Variants in HIVEP3 observed in about 807,000 individuals in gnomAD.
HIVEP3 encodes transcription factor HIVEP3.
A neutral mutation model predicts 152.8 loss-of-function variants in HIVEP3; 49 were observed. The observed-to-expected ratio is 0.32, with a 90% confidence interval of 0.26 to 0.41. HIVEP3 has a LOEUF of 0.41. HIVEP3 is among the 10% of genes least tolerant of loss of function. The probability of loss-of-function intolerance (pLI) is 1.00; values close to 1 mark genes in which losing one functional copy is unlikely to be tolerated. For synonymous variants in HIVEP3, 1,269 were observed against 1,289.0 expected, an observed-to-expected ratio of 0.98 and a Z score of 0.33; for missense variants, 2,790 against 3,103.3, an observed-to-expected ratio of 0.90 and a Z score of 2.40.
chr1:41,625,006 A>G (rs1645096277), intron 3 of HIVEP3, among the ~76,000 whole-genome samples: 1 of 152,092 alleles, frequency 6.6e-6, no homozygotes. Context: ...TCTAATAAAA[A>G]TACAAAAATT....
intron 1 of HIVEP3, among the ~76,000 whole-genome samples, chr1:41,917,309 C>T (rs1265320113): frequency 2.0e-5 from 3 of 152,114 alleles, no homozygotes; most frequent in Non-Finnish European, 2.9e-5. Flanking sequence ...TCCCTCCCCC[C>T]GTAACACCCA....
At chr1:41,791,999 C>G (rs1413976124) in intron 1 of HIVEP3, among the ~76,000 whole-genome samples, 1 of 152,172 alleles carries the variant, frequency 6.6e-6, no homozygotes, top group African/African-American at 2.4e-5. Context: ...CTCCGTGAAG[C>G]CTTTCCAGAT....
At position 41,583,955 on chromosome 1, in the gene HIVEP3, G is replaced by C; in HGVS notation, c.843C>G (p.Ser281Arg). ...EEFEEPTEGESTDSEEETSAT... is the reference protein window; with the variant it reads ...EEFEEPTEGERTDSEEETSAT... ...CACTAGTCTCCTCTTCAGAATCTGT[G>C]CTTTCTCCCTCAGTGGGCTCCTCAA... The change falls in exon 4 of 9, where the codon AGC becomes AGG. Residue 281 changes from serine (S) to arginine (R), a missense_variant. Transcript: ENST00000372583. This position sits in a 1 kb window ranked among gnomAD's most constrained non-coding sequence, Gnocchi z 6.9. 1 of 1,614,174 alleles carries C rather than the reference G, an allele frequency of 6.2e-7. No individual in the cohort carries two copies. Among genetic ancestry groups the C allele is most frequent in the Non-Finnish European group, 8.5e-7 (1 of 1,180,022 alleles).
At chr1:41,530,438 C>T (rs1457603559) in intron 5 of HIVEP3, among the ~76,000 whole-genome samples, 1 of 152,242 alleles carries the variant, frequency 6.6e-6, no homozygotes, top group African/African-American at 2.4e-5. Context: ...ATTCCCATGT[C>T]CCTCCATGCC....
In HIVEP3 at chr1:41,547,883, C is replaced by T. The variant is rs182090108; in HGVS notation, c.5208-22973G>A. On this transcript the variant is annotated intron_variant, in intron 5 of 8. Transcript: ENST00000372583. ...CACCTGACCATGGGCTCCCAGGCCCCTCCCAGGCTGCCCACTGCTTCCCCT... is the reference window on the plus strand; with the variant it reads ...CACCTGACCATGGGCTCCCAGGCCCTTCCCAGGCTGCCCACTGCTTCCCCT... Among the ~76,000 whole-genome samples, 461 of 152,274 alleles carry T rather than the reference C, an allele frequency of 3.0e-3. 1 individual carries two copies. Among genetic ancestry groups the T allele is most frequent in the Non-Finnish European group, 4.4e-3 (298 of 68,004 alleles).
chr1:41,730,078 G>T (rs889070358), intron 1 of HIVEP3, among the ~76,000 whole-genome samples: 8 of 152,258 alleles, frequency 5.3e-5, no homozygotes, highest in African/African-American at 1.9e-4. Context: ...CGTGACTGCA[G>T]AGCAAGGGGC....
chr1:41,917,789 T>C (rs1644893673), intron 1 of HIVEP3, among the ~76,000 whole-genome samples: 1 of 151,600 alleles, frequency 6.6e-6, no homozygotes, highest in Non-Finnish European at 1.5e-5. Context: ...TTGGGTCAGG[T>C]TGGGGGTTGG....
At chr1:41,715,366 C>T (rs1326370887) in intron 1 of HIVEP3, among the ~76,000 whole-genome samples, 1 of 152,144 alleles carries the variant, frequency 6.6e-6, no homozygotes, top group Non-Finnish European at 1.5e-5. Context: ...CCTGGTGAGA[C>T]ATGCCAGGTC....
At chr1:41,755,882 A>T (rs558616596) in intron 1 of HIVEP3, among the ~76,000 whole-genome samples, 1 of 152,380 alleles carries the variant, frequency 6.6e-6, no homozygotes, top group African/African-American at 2.4e-5. Context: ...GTGGGAATAT[A>T]AAATGATATA....
intron 1 of HIVEP3, among the ~76,000 whole-genome samples, chr1:41,773,611 T>C (rs538942782): frequency 8.7e-4 from 132 of 152,376 alleles, no homozygotes; most frequent in Admixed American, 2.4e-3. Context: ...ATGCTTGGAA[T>C]GTCATCTCTA....
At chr1:41,764,155 G>A (rs753943068) in intron 1 of HIVEP3, among the ~76,000 whole-genome samples, 18 of 152,190 alleles carry the variant, frequency 1.2e-4, no homozygotes, top group Non-Finnish European at 2.4e-4. Context: ...ATACCCCAGG[G>A]ATGTGTGGGG....
chr1:41,549,594 T>C (rs1011236289), intron 5 of HIVEP3, among the ~76,000 whole-genome samples: 7 of 152,208 alleles, frequency 4.6e-5, no homozygotes, highest in Admixed American at 4.6e-4. Flanking sequence ...TATCTCATTG[T>C]GGTTTTGATT....
intron 1 of HIVEP3, among the ~76,000 whole-genome samples, chr1:41,997,214 C>A (rs558180653): frequency 1.3e-5 from 2 of 152,358 alleles, no homozygotes; most frequent in Non-Finnish European, 2.9e-5. Context: ...AAAATTGTCA[C>A]AGCCAGCTCA....
At chr1:41,560,099 T>G (rs1185540171) in intron 5 of HIVEP3, among the ~76,000 whole-genome samples, 4 of 152,210 alleles carry the variant, frequency 2.6e-5, no homozygotes, top group Non-Finnish European at 5.9e-5. Context: ...ATTATTTGCC[T>G]GAAGAGGCAA....
chr1:41,901,038 G>C (rs1193110606), intron 1 of HIVEP3, among the ~76,000 whole-genome samples: 2 of 152,078 alleles, frequency 1.3e-5, no homozygotes, highest in Non-Finnish European at 2.9e-5. Flanking sequence ...AGAGGGAGTG[G>C]ACGTCAGGAT....
intron 5 of HIVEP3, among the ~76,000 whole-genome samples, chr1:41,555,757 A>C (rs1309251058): frequency 1.2e-4 from 19 of 152,218 alleles, no homozygotes; most frequent in Admixed American, 1.2e-3. Flanking sequence ...TTCCAAACGG[A>C]AACTTTGTAT....
At chr1:41,674,996 G>A (rs189184968) in intron 2 of HIVEP3, among the ~76,000 whole-genome samples, 95 of 152,178 alleles carry the variant, frequency 6.2e-4, no homozygotes, top group African/African-American at 2.1e-3. Flanking sequence ...GCTGGCACAG[G>A]CAGCCTAGAA....
intron 1 of HIVEP3, among the ~76,000 whole-genome samples, chr1:41,892,522 A>T (rs1570752690): frequency 1.3e-5 from 2 of 152,050 alleles, no homozygotes; most frequent in East Asian, 3.9e-4. Context: ...GGAAGAGAAG[A>T]AAAAAAGACC....
intron 1 of HIVEP3, among the ~76,000 whole-genome samples, chr1:41,855,879 G>A (rs1430826364): frequency 6.6e-6 from 1 of 152,236 alleles, no homozygotes; most frequent in African/African-American, 2.4e-5. Context: ...TGATGAATCA[G>A]AGGGGCTGGA....
Sources: allele counts gnomAD v4.1 joint callset (sites outside exome capture counted in the v4.1 genomes callset), GRCh38; gene constraint gnomAD v4.1.1; non-coding constraint Gnocchi (gnomAD v3.1); transcripts MANE v1.5; gene names NCBI Gene and HGNC (gene_info 2026-07-23, HGNC 2026-07-21).